AAR2: variants seen among roughly 807,000 people sequenced by gnomAD.
The protein encoded by AAR2 is protein AAR2 homolog.
Under a neutral mutation model 26.9 loss-of-function variants are expected in AAR2, and 31 were observed. The ratio of observed to expected loss-of-function variants is 1.15; its 90% confidence interval spans 0.86 to 1.55. The LOEUF is 1.55. AAR2 is among the 40% of genes most tolerant of loss of function. The pLI, the probability that AAR2 is intolerant of heterozygous loss-of-function variation, is 0.00. For missense variants in AAR2, 430 were observed against 491.3 expected (o/e 0.88, Z 1.18); for synonymous variants, 188 against 196.1 (o/e 0.96, Z 0.34).
chr20:36,251,359 T>TA (rs775815683), intron 3 of AAR2, among the ~76,000 whole-genome samples: 7 of 152,012 alleles, frequency 4.6e-5, no homozygotes, highest in African/African-American at 1.4e-4. Context: ...ATCCCGTCTC[T>TA]AAAAAATAAA....
chr20:36,243,811 A>G (rs966989277), intron 2 of AAR2, among the ~76,000 whole-genome samples: 2 of 152,242 alleles, frequency 1.3e-5, no homozygotes, highest in Non-Finnish European at 2.9e-5. Flanking sequence ...AGGCCTTAAT[A>G]GATTGAGTAA....
At chr20:36,241,820 T>C (rs2064683200) in intron 2 of AAR2, among the ~76,000 whole-genome samples, 1 of 152,132 alleles carries the variant, frequency 6.6e-6, no homozygotes, top group Admixed American at 6.5e-5. Flanking sequence ...TTCTCGTGTG[T>C]ACTTACACAT....
intron 3 of AAR2, among the ~76,000 whole-genome samples, chr20:36,250,320 T>A (rs377677000): frequency 3.3e-5 from 5 of 152,270 alleles, no homozygotes; most frequent in Non-Finnish European, 5.9e-5. Context: ...CAAAATATTA[T>A]CCTATTTCAA....
intron 3 of AAR2, among the ~76,000 whole-genome samples, chr20:36,251,423 A>ATT (rs77659784): frequency 1.3e-5 from 2 of 149,082 alleles, no homozygotes; most frequent in African/African-American, 4.9e-5. Context: ...AATAAGGTTG[A>ATT]TTTTTTTTTT....
chr20:36,244,763 A>G lies in AAR2; in HGVS notation c.824A>G (p.Lys275Arg). Residue 275 changes from lysine (K) to arginine (R), a missense_variant, in exon 3 of 4, where the codon AAG becomes AGG. By Grantham distance (26) the Lys-to-Arg change is conservative. Coordinates refer to ENST00000320849, the MANE Select transcript of AAR2 (RefSeq NM_001271874.2). ...GNVYEAFEHW[K>R]RLLNLLCRSE... ...GTGTACGAGGCATTTGAGCATTGGA[A>G]GCGGCTCCTGAACCTCCTGTGCCGG... 1 of 1,614,136 alleles carries G rather than the reference A, an allele frequency of 6.2e-7. No homozygotes were observed. The highest frequency in any genetic ancestry group is 8.5e-7 in the Non-Finnish European group (1 of 1,180,016).
rs1249527722 is a variant in AAR2, at chr20:36,256,354, G to A, written c.*609G>A. ...GTGGTCAGCTTCAGCTTTCTCCATC[G>A]AAATCCCATTCTCCTGTCCAGAGGC... is the stretch of plus-strand genomic sequence containing the variant. On this transcript the variant is annotated 3_prime_UTR_variant, in exon 4 of 4. Coordinates refer to ENST00000320849, the MANE Select transcript of AAR2 (RefSeq NM_001271874.2). The A allele has an allele frequency of 9.8e-5, 15 of 152,402 alleles. No individual in the cohort carries two copies. Among genetic ancestry groups the A allele is most frequent in the Admixed American group, 9.8e-4 (15 of 15,294 alleles). 9.4% of individuals were successfully genotyped at this position (152,402 alleles called of 1,614,324 possible). A position where few individuals can be genotyped will look rare whatever the true frequency, so the allele number is the denominator to read the frequency against.
At chr20:36,247,272 A>G (rs2064742901) in intron 3 of AAR2, among the ~76,000 whole-genome samples, 1 of 152,070 alleles carries the variant, frequency 6.6e-6, no homozygotes, top group African/African-American at 2.4e-5. Context: ...TTTTGGTCTC[A>G]CCTAGACTGC....
intron 1 of AAR2, among the ~76,000 whole-genome samples, chr20:36,238,522 C>G (rs1330776757): frequency 6.6e-6 from 1 of 151,892 alleles, no homozygotes; most frequent in Admixed American, 6.6e-5. Flanking sequence ...TTTGGGAGGC[C>G]GAGGCGGGCA....
At chr20:36,255,487 G>A in intron 3 of AAR2, 91 bp from the exon 4 acceptor site, 1 of 1,468,258 alleles carries the variant, frequency 6.8e-7, no homozygotes, top group Non-Finnish European at 9.4e-7. Context: ...ACCCGCCCCA[G>A]AAGAGCCGAA....
chr20:36,249,010 G>A (rs1278415891), intron 3 of AAR2, among the ~76,000 whole-genome samples: 1 of 152,040 alleles, frequency 6.6e-6, no homozygotes, highest in African/African-American at 2.4e-5. Flanking sequence ...GCCTTCCTCA[G>A]CCAGCCGCCT....
At chr20:36,254,541 T>A (rs2064804437) in intron 3 of AAR2, among the ~76,000 whole-genome samples, 1 of 152,062 alleles carries the variant, frequency 6.6e-6, no homozygotes, top group Non-Finnish European at 1.5e-5. Flanking sequence ...AGTTGCTGTT[T>A]AATGGCTGCA....
At chr20:36,249,318 C>T (rs763943449) in intron 3 of AAR2, among the ~76,000 whole-genome samples, 2 of 152,030 alleles carry the variant, frequency 1.3e-5, no homozygotes, top group Non-Finnish European at 2.9e-5. Context: ...TTTAAAGCAA[C>T]GTAAGTCACC....
intron 2 of AAR2, among the ~76,000 whole-genome samples, chr20:36,242,143 CTT>C (rs11333425): frequency 0.015 from 1,545 of 102,074 alleles, 9 homozygotes; most frequent in African/African-American, 0.043. Flanking sequence ...TGTAGGACTT[CTT>C]TTTTTTTTTT....
chr20:36,239,158 T>C (rs746216868), intron 1 of AAR2, among the ~76,000 whole-genome samples: 1 of 152,210 alleles, frequency 6.6e-6, no homozygotes, highest in African/African-American at 2.4e-5. Context: ...GAGCCACCAC[T>C]GATTGTGGGC....
chr20:36,237,170 C>T (rs1020206515), intron 1 of AAR2, among the ~76,000 whole-genome samples: 3 of 152,124 alleles, frequency 2.0e-5, no homozygotes, highest in Admixed American at 2.0e-4. Flanking sequence ...TTGTGGGGGA[C>T]CATTGTGTGA....
chr20:36,240,813 G>A (rs1201735595), intron 2 of AAR2, among the ~76,000 whole-genome samples, 188 bp downstream of exon 2: 3 of 152,178 alleles, frequency 2.0e-5, no homozygotes, highest in African/African-American at 4.8e-5. Flanking sequence ...TGGGGCTTCC[G>A]CAGTTTCTAT....
chr20:36,254,327 G>C (rs887212361), intron 3 of AAR2, among the ~76,000 whole-genome samples: 5 of 152,198 alleles, frequency 3.3e-5, no homozygotes, highest in African/African-American at 1.2e-4. Flanking sequence ...TATGCTAAGT[G>C]AAATAAGCCA....
chr20:36,244,881 C>T lies in AAR2; in HGVS notation c.942C>T (p.Phe314=), dbSNP rs748440774. 2.6e-5 allele frequency: 42 copies of T among 1,614,054 alleles called. No individual in the cohort carries two copies. The highest frequency in any genetic ancestry group is 1.8e-4 in the South Asian group (16 of 91,094). ...HQLGEIPADF[F]VDIVSQDNFL... is the part of the protein sequence containing the mutation. The stretch of plus-strand genomic sequence containing the variant: ...TTGGTGAGATCCCCGCTGACTTCTT[C>T]GTAGACATTGTCTCCCAAGACAACT... Residue 314 remains phenylalanine, a synonymous_variant, in exon 3 of 4, where the codon TTC becomes TTT. Transcript: ENST00000320849.
rs976066094 is a variant in AAR2, at chr20:36,242,240, C to T, written c.757+1615C>T. Reference sequence around the variant, plus strand: ...AATCATGTCTTACTGCCACCTCAACCTCTCGGGCCCAAGTGATCCTTCTGC... The same window carrying T: ...AATCATGTCTTACTGCCACCTCAACTTCTCGGGCCCAAGTGATCCTTCTGC... On this transcript the variant is annotated intron_variant, in intron 2 of 3. Transcript: ENST00000320849. Among the ~76,000 whole-genome samples, 8 of 150,750 alleles carry T rather than the reference C, an allele frequency of 5.3e-5. No homozygotes were observed. The East Asian group carries it at 1.4e-3, about 26-fold the overall frequency.
Sources: allele counts gnomAD v4.1 joint callset (sites outside exome capture counted in the v4.1 genomes callset), GRCh38; gene constraint gnomAD v4.1.1; transcripts MANE v1.5; gene names NCBI Gene and HGNC (gene_info 2026-07-23, HGNC 2026-07-21).